The following EXOC6 variants were observed in gnomAD, a reference collection of about 807,000 sequenced individuals.
EXOC6 encodes SEC15-like 1.
Under a neutral mutation model 112.5 loss-of-function variants are expected in EXOC6, and 60 were observed. That is an observed-to-expected ratio of 0.53 (90% CI 0.43 to 0.66). The LOEUF (loss-of-function observed/expected upper bound fraction) is 0.66. Among genes scored for constraint, EXOC6 ranks in the 30% least tolerant of loss-of-function variants. The pLI, the probability that EXOC6 is intolerant of heterozygous loss-of-function variation, is 0.00. For synonymous variants in EXOC6, 295 were observed against 308.0 expected (o/e 0.96, Z 0.44); for missense variants, 855 against 957.1 (o/e 0.89, Z 1.41).
intron 7 of EXOC6, among the ~76,000 whole-genome samples, chr10:92,917,951 G>A (rs1470803533): frequency 6.6e-6 from 1 of 152,144 alleles, no homozygotes; most frequent in East Asian, 1.9e-4. Flanking sequence ...AGGAGTTTGA[G>A]ACCTGCCTGG....
chr10:93,056,985 C>A lies in EXOC6; in HGVS notation c.2231C>A (p.Ala744Asp). 1 of 1,597,852 alleles carries A rather than the reference C, an allele frequency of 6.3e-7. No homozygotes were observed. Among genetic ancestry groups the A allele is most frequent in the African/African-American group, 1.4e-5 (1 of 74,028 alleles). ...STYLADYGQP[A>D]SKYLRVNPNT... The stretch of plus-strand genomic sequence containing the variant: ...TACCTAGCTGATTATGGGCAGCCAG[C>A]TTCTAAGTACCTTCGGGTGAATCCA... The change falls in exon 21 of 22, where the codon GCT becomes GAT. Residue 744 changes from alanine (A) to aspartate (D), a missense_variant. Ala to Asp is a moderately radical substitution (Grantham distance 126). Around this residue, in one of 2 missense-constraint regions of EXOC6, gnomAD observed 450 missense variants for 563.5 expected, o/e 0.80. Transcript: ENST00000260762.
Position 92,899,584 on chromosome 10 carries a change from TA to T in EXOC6, c.413-14del. 6.4e-7 allele frequency: 1 copy of T among 1,558,926 alleles called. No homozygotes were observed. The highest frequency in any genetic ancestry group is 8.7e-7 in the Non-Finnish European group (1 of 1,147,776). ...TTTCATTTTGAAAGCTAAAATGTTATATTTTTTAATGCAGTGCTAGAAATGT... is the reference window on the plus strand; with the variant it reads ...TTTCATTTTGAAAGCTAAAATGTTATTTTTTTAATGCAGTGCTAGAAATGT... On this transcript the variant is annotated splice_polypyrimidine_tract_variant and intron_variant, in intron 4 of 21. Coordinates refer to ENST00000260762, the MANE Select transcript of EXOC6 (RefSeq NM_019053.6).
chr10:92,880,202 TA>T (rs1312372769), intron 1 of EXOC6, among the ~76,000 whole-genome samples: 6 of 152,172 alleles, frequency 3.9e-5, no homozygotes, highest in Non-Finnish European at 8.8e-5. Context: ...CCTATGCACA[TA>T]CTCCCATGTA....
chr10:92,996,696 T>G (rs961172474), intron 18 of EXOC6, among the ~76,000 whole-genome samples: 3 of 152,192 alleles, frequency 2.0e-5, no homozygotes, highest in Non-Finnish European at 4.4e-5. Context: ...AAAAGGCCAT[T>G]TTTAAGAAAA....
In EXOC6 at chr10:92,919,127, C is replaced by G. The variant is rs376498524; in HGVS notation, c.820-855C>G. ...TGTTGAAAATAGACCATCTAGTCTT[C>G]TTACTTCAATTTTCCCCTTCCTGTT... is the stretch of plus-strand genomic sequence containing the variant. On this transcript the variant is annotated intron_variant, in intron 7 of 21. Coordinates refer to ENST00000260762, the MANE Select transcript of EXOC6 (RefSeq NM_019053.6). Among the ~76,000 whole-genome samples the G allele has an allele frequency of 3.9e-5, 6 of 152,256 alleles. No individual in the cohort carries two copies. The South Asian group carries it at 1.2e-3, about 32-fold the overall frequency.
chr10:92,893,106 C>T (rs957863140), intron 1 of EXOC6, among the ~76,000 whole-genome samples: 1 of 152,160 alleles, frequency 6.6e-6, no homozygotes, highest in African/African-American at 2.4e-5. Flanking sequence ...AGGCCCACAT[C>T]TCCTGAGCCT....
chr10:92,896,139 A>G (rs59858817), intron 4 of EXOC6, among the ~76,000 whole-genome samples: 17,064 of 28,708 alleles, frequency 0.59, 5,014 homozygotes, highest in African/African-American at 0.74. Context: ...GTGTGTGTGT[A>G]TGTATGTGTA....
intron 18 of EXOC6, among the ~76,000 whole-genome samples, chr10:92,975,023 G>T (rs1454733877): frequency 6.6e-6 from 1 of 151,938 alleles, no homozygotes; most frequent in Non-Finnish European, 1.5e-5. Context: ...CTGCCTGGTC[G>T]CCCATTGTCT....
Position 92,934,520 on chromosome 10 carries a change from C to T in EXOC6, c.1140+90C>T, listed in dbSNP as rs976383381. 9 of 1,079,876 alleles carry T rather than the reference C, an allele frequency of 8.3e-6. No individual in the cohort carries two copies. The African/African-American group carries it at 9.9e-5, about 12-fold the overall frequency. 66.9% of individuals were successfully genotyped at this position (1,079,876 alleles called of 1,614,324 possible). A position where few individuals can be genotyped will look rare whatever the true frequency, so the allele number is the denominator to read the frequency against. On this transcript the variant is annotated intron_variant, in intron 11 of 21. Coordinates refer to ENST00000260762, the MANE Select transcript of EXOC6 (RefSeq NM_019053.6). ...TAATGTCAGAGGAAAACTGTACCTCCATCATTCTGCATTTTTTTAGTAGTT... is the reference window on the plus strand; with the variant it reads ...TAATGTCAGAGGAAAACTGTACCTCTATCATTCTGCATTTTTTTAGTAGTT...
At chr10:92,902,857 T>A (rs1184440020) in intron 5 of EXOC6, among the ~76,000 whole-genome samples, 1 of 152,180 alleles carries the variant, frequency 6.6e-6, no homozygotes, top group African/African-American at 2.4e-5. Context: ...AAATGGAATC[T>A]TCTTCACTCC....
intron 20 of EXOC6, among the ~76,000 whole-genome samples, chr10:93,035,764 A>G (rs987189464): frequency 2.0e-5 from 3 of 152,210 alleles, no homozygotes; most frequent in Non-Finnish European, 2.9e-5. Flanking sequence ...TTGAGACATG[A>G]GAATTGCTTG....
intron 14 of EXOC6, among the ~76,000 whole-genome samples, chr10:92,950,534 G>T (rs1853343203): frequency 6.6e-6 from 1 of 152,162 alleles, no homozygotes; most frequent in African/African-American, 2.4e-5. Flanking sequence ...TTATAGTCAA[G>T]TGAGGATAGA....
intron 14 of EXOC6, among the ~76,000 whole-genome samples, chr10:92,950,212 G>C (rs1444894107): frequency 6.6e-6 from 1 of 151,964 alleles, no homozygotes; most frequent in Non-Finnish European, 1.5e-5. Flanking sequence ...AAGTCTTTTG[G>C]TTGTGTGTGT....
chr10:92,888,623 T>G (rs183950328), intron 1 of EXOC6, among the ~76,000 whole-genome samples: 1 of 152,352 alleles, frequency 6.6e-6, no homozygotes, highest in African/African-American at 2.4e-5. Flanking sequence ...TATAAAAAAT[T>G]CTTTTGGTGT....
At chr10:93,026,756 C>T (rs1475391176) in intron 20 of EXOC6, among the ~76,000 whole-genome samples, 1 of 152,150 alleles carries the variant, frequency 6.6e-6, no homozygotes, top group African/African-American at 2.4e-5. Context: ...TGAACTTAAT[C>T]AATAAACCTG....
intron 20 of EXOC6, among the ~76,000 whole-genome samples, chr10:93,049,060 AT>A (rs1206244383): frequency 0.011 from 1,554 of 142,712 alleles, 16 homozygotes; most frequent in African/African-American, 0.029. Flanking sequence ...TAATAGCAGC[AT>A]TTTTTTTTTT....
chr10:92,875,936 T>A (rs952919803), intron 1 of EXOC6, among the ~76,000 whole-genome samples: 2 of 152,046 alleles, frequency 1.3e-5, no homozygotes, highest in African/African-American at 4.8e-5. Context: ...TCAGAACACA[T>A]GTATATATAA....
At chr10:92,843,845 GGGCGTGGT>G (rs1846947261), upstream of EXOC6, among the ~76,000 whole-genome samples, 1 of 152,012 alleles carries the variant, frequency 6.6e-6, no homozygotes, top group Non-Finnish European at 1.5e-5. Context: ...AAAATTAGCC[GGGCGTGGT>G]GGCTGGCACC....
chr10:92,970,170 C>A (rs1403450506), intron 17 of EXOC6, among the ~76,000 whole-genome samples: 1 of 152,200 alleles, frequency 6.6e-6, no homozygotes, highest in Non-Finnish European at 1.5e-5. Context: ...CAGACACACA[C>A]TTCCTGCCTT....
Sources: allele counts gnomAD v4.1 joint callset (sites outside exome capture counted in the v4.1 genomes callset), GRCh38; gene constraint gnomAD v4.1.1; regional missense constraint gnomAD v4.1.1; transcripts MANE v1.5; gene names NCBI Gene and HGNC (gene_info 2026-07-23, HGNC 2026-07-21).